The following GRM7 variants were observed in gnomAD, a reference collection of about 807,000 sequenced individuals.
The protein encoded by GRM7 is metabotropic glutamate receptor 7.
Under a neutral mutation model 84.5 loss-of-function variants are expected in GRM7, and 35 were observed. That is an observed-to-expected ratio of 0.41 (90% CI 0.32 to 0.55). The LOEUF (loss-of-function observed/expected upper bound fraction) is 0.55. GRM7 is among the 20% of genes least tolerant of loss of function. GRM7 has a pLI of 0.19. For synonymous variants in GRM7, 487 were observed against 455.1 expected, an observed-to-expected ratio of 1.07 and a Z score of -0.89; for missense variants, 1,003 against 1,194.6, an observed-to-expected ratio of 0.84 and a Z score of 2.36.
chr3:7,349,717 A>G (rs559047222), intron 4 of GRM7, among the ~76,000 whole-genome samples: 81 of 152,284 alleles, frequency 5.3e-4, no homozygotes, highest in African/African-American at 1.8e-3. Context: ...CCTTTTACCA[A>G]TAACAAGATT....
At chr3:7,692,480 C>T (rs1196458235) in intron 9 of GRM7, among the ~76,000 whole-genome samples, 1 of 152,132 alleles carries the variant, frequency 6.6e-6, no homozygotes. Flanking sequence ...GGAAGTTTGG[C>T]TTTTATTGCA....
chr3:7,031,118 T>G (rs1175837710), intron 1 of GRM7, among the ~76,000 whole-genome samples: 2 of 152,208 alleles, frequency 1.3e-5, no homozygotes, highest in African/African-American at 4.8e-5. Flanking sequence ...TCTCCTCATT[T>G]TACAAATGTA....
intron 7 of GRM7, among the ~76,000 whole-genome samples, chr3:7,484,148 A>G (rs1171907258): frequency 6.6e-6 from 1 of 152,234 alleles, no homozygotes; most frequent in Non-Finnish European, 1.5e-5. Context: ...AATATAAAAT[A>G]AAGACTTATG....
intron 4 of GRM7, among the ~76,000 whole-genome samples, chr3:7,367,364 G>C (rs571432012): frequency 6.6e-6 from 1 of 151,622 alleles, no homozygotes; most frequent in South Asian, 2.1e-4. Flanking sequence ...CTTTTTGTTG[G>C]AGGGTATTTT....
rs1695063547 is a variant in GRM7 at position 7,578,367 on chromosome 3, T to G, written c.1516-55T>G. On this transcript the variant is annotated intron_variant, in intron 7 of 9. Coordinates refer to ENST00000357716, the MANE Select transcript of GRM7 (RefSeq NM_000844.4). The stretch of plus-strand genomic sequence containing the variant: ...AGTACTGTTTGCTGCTGGTGTTCTT[T>G]TTCTATTCTCTTGAAGAATCTGCCT... 3.4e-5 allele frequency: 42 copies of G among 1,231,574 alleles called. No homozygotes were observed. In the South Asian group the frequency reaches 5.8e-4, roughly 17 times the overall value. 76.3% of individuals were successfully genotyped at this position (1,231,574 alleles called of 1,614,324 possible).
At chr3:7,071,245 TAGAA>T (rs1414697923) in intron 1 of GRM7, among the ~76,000 whole-genome samples, 2 of 152,124 alleles carry the variant, frequency 1.3e-5, no homozygotes, top group Non-Finnish European at 2.9e-5. Flanking sequence ...ATTTCAGTCT[TAGAA>T]AGGGCATAGA....
At chr3:6,924,454 T>G (rs1201639761) in intron 1 of GRM7, among the ~76,000 whole-genome samples, 3 of 152,186 alleles carry the variant, frequency 2.0e-5, no homozygotes, top group African/African-American at 7.2e-5. Context: ...GACAGTTACT[T>G]ACACCAATTA....
At chr3:7,137,124 TGATGA>T (rs1693798020) in intron 1 of GRM7, among the ~76,000 whole-genome samples, 1 of 152,094 alleles carries the variant, frequency 6.6e-6, no homozygotes. Flanking sequence ...TACATTTTAT[TGATGA>T]GATATGAATA....
At chr3:7,020,145 C>T (rs1205097353) in intron 1 of GRM7, among the ~76,000 whole-genome samples, 3 of 152,148 alleles carry the variant, frequency 2.0e-5, no homozygotes, top group African/African-American at 7.2e-5. Context: ...CTGCACCCTG[C>T]CAAGATAGAT....
At chr3:7,279,661 A>G (rs1699189574) in intron 2 of GRM7, among the ~76,000 whole-genome samples, 1 of 152,182 alleles carries the variant, frequency 6.6e-6, no homozygotes, top group South Asian at 2.1e-4. Flanking sequence ...AGAGTTGGTG[A>G]GGAGCTACCT....
At chr3:7,441,508 G>A (rs1432568335) in intron 5 of GRM7, among the ~76,000 whole-genome samples, 1 of 151,960 alleles carries the variant, frequency 6.6e-6, no homozygotes, top group Non-Finnish European at 1.5e-5. Flanking sequence ...GGTCACATTT[G>A]TCAATTTTTG....
chr3:7,451,555 G>A (rs1489422453), intron 5 of GRM7, among the ~76,000 whole-genome samples: 1 of 152,128 alleles, frequency 6.6e-6, no homozygotes, highest in Non-Finnish European at 1.5e-5. Context: ...ATGTGAGAGG[G>A]TAGGCAGGGT....
At chr3:7,034,593 A>G (rs1696311771) in intron 1 of GRM7, among the ~76,000 whole-genome samples, 1 of 152,214 alleles carries the variant, frequency 6.6e-6, no homozygotes, top group Admixed American at 6.5e-5. Flanking sequence ...TCCAGACTCT[A>G]GTAGTCATGT....
In GRM7 at chr3:7,611,907, T is replaced by C. The variant is rs150703538; in HGVS notation, c.2451+32550T>C. Among the ~76,000 whole-genome samples the C allele has an allele frequency of 8.3e-3, 1,258 of 152,312 alleles. 18 individuals carry two copies. The highest frequency in any genetic ancestry group is 0.027 in the African/African-American group (1,129 of 41,566). The stretch of plus-strand genomic sequence containing the variant: ...AATCATACATGTTTTTAAGAATCTA[T>C]GAACAAATCTGTAAAAATTCACAAT... On this transcript the variant is annotated intron_variant, in intron 8 of 9. Transcript: ENST00000357716.
chr3:7,674,487 C>T (rs921147083), intron 8 of GRM7, among the ~76,000 whole-genome samples: 1 of 151,924 alleles, frequency 6.6e-6, no homozygotes, highest in Non-Finnish European at 1.5e-5. Flanking sequence ...CTACAGTGCC[C>T]GGATGAATAT....
intron 1 of GRM7, among the ~76,000 whole-genome samples, chr3:6,916,536 A>G (rs893287510): frequency 2.6e-5 from 4 of 152,150 alleles, no homozygotes; most frequent in Non-Finnish European, 4.4e-5. Context: ...GGAAGTCCAC[A>G]ATCAAGGTGC....
intron 1 of GRM7, among the ~76,000 whole-genome samples, chr3:7,024,321 T>C (rs557146810): frequency 6.6e-6 from 1 of 152,234 alleles, no homozygotes; most frequent in African/African-American, 2.4e-5. Context: ...TGCTATGCAA[T>C]GAAGGAAAGG....
At chr3:6,908,791 A>T (rs1034597595) in intron 1 of GRM7, among the ~76,000 whole-genome samples, 4 of 152,186 alleles carry the variant, frequency 2.6e-5, no homozygotes, top group Admixed American at 2.0e-4. Context: ...GTCTGTTAAG[A>T]TCACGTTCCT....
intron 5 of GRM7, among the ~76,000 whole-genome samples, chr3:7,427,725 C>A (rs1257475226): frequency 6.6e-6 from 1 of 152,070 alleles, no homozygotes; most frequent in Admixed American, 6.6e-5. Flanking sequence ...GGTAAAACCC[C>A]AATTGATCTT....
Sources: allele counts gnomAD v4.1 joint callset (sites outside exome capture counted in the v4.1 genomes callset), GRCh38; gene constraint gnomAD v4.1.1; transcripts MANE v1.5; gene names NCBI Gene and HGNC (gene_info 2026-07-23, HGNC 2026-07-21).